VPS13B: variants seen among roughly 807,000 people sequenced by gnomAD.
VPS13B encodes vacuolar protein sorting 13 homolog B.
Under a neutral mutation model 426.4 loss-of-function variants are expected in VPS13B, and 285 were observed. The ratio of observed to expected loss-of-function variants is 0.67; its 90% CI spans 0.61 to 0.74. The LOEUF (loss-of-function observed/expected upper bound fraction) is 0.74. VPS13B is among the 30% of genes least tolerant of loss of function. The pLI is 0.00. For synonymous variants in VPS13B, 1,676 were observed against 1,676.4 expected, an observed-to-expected ratio of 1.00 and a Z score of 0.01; for missense variants, 4,537 against 4,782.6, an observed-to-expected ratio of 0.95 and a Z score of 1.51.
intron 35 of VPS13B, chr8:99,697,419 A>G: frequency 3.0e-6 from 2 of 665,594 alleles, no homozygotes; most frequent in South Asian, 3.5e-5. Context: ...CCCCTGCTAG[A>G]GAGCTTGAAG....
At chr8:99,355,282 T>G (rs969885739) in intron 19 of VPS13B, among the ~76,000 whole-genome samples, 1 of 152,208 alleles carries the variant, frequency 6.6e-6, no homozygotes, top group Non-Finnish European at 1.5e-5. Context: ...AAATTCCAAC[T>G]GCTTTTCTTA....
At chr8:99,495,959 TAA>T (rs1330663113) in intron 25 of VPS13B, among the ~76,000 whole-genome samples, 1 of 152,194 alleles carries the variant, frequency 6.6e-6, no homozygotes, top group Non-Finnish European at 1.5e-5. Flanking sequence ...CAGGCAAACC[TAA>T]GTTATTAAGA....
At chr8:99,023,714 C>T (rs538518797) in intron 2 of VPS13B, among the ~76,000 whole-genome samples, 7 of 152,214 alleles carry the variant, frequency 4.6e-5, no homozygotes, top group Middle Eastern at 3.4e-3. Flanking sequence ...TGCCTGACCT[C>T]GTGATCCGCC....
chr8:99,169,951 G>C (rs566185548), intron 15 of VPS13B, 88 bp from the exon 16 acceptor site: 1 of 1,493,440 alleles, frequency 6.7e-7, no homozygotes, highest in East Asian at 2.3e-5. Flanking sequence ...TGCAGCTGTT[G>C]TAAAGCAAGT....
At chr8:99,373,725 G>C (rs1022744170) in intron 19 of VPS13B, among the ~76,000 whole-genome samples, 3 of 152,050 alleles carry the variant, frequency 2.0e-5, no homozygotes, top group African/African-American at 7.3e-5. Context: ...AGCCGGGTAT[G>C]GTGGCACCCC....
At chr8:99,228,999 T>G (rs1382391906) in intron 17 of VPS13B, among the ~76,000 whole-genome samples, 1 of 152,174 alleles carries the variant, frequency 6.6e-6, no homozygotes. Flanking sequence ...ATGAATCTTC[T>G]GTGCGCTGTT....
chr8:99,629,552 T>G (rs1391131085), intron 33 of VPS13B, among the ~76,000 whole-genome samples: 1 of 152,036 alleles, frequency 6.6e-6, no homozygotes, highest in African/African-American at 2.4e-5. Flanking sequence ...AGAGAAGGCC[T>G]CTCGGAGGAA....
At chr8:99,455,528 G>A (rs111239747) in intron 23 of VPS13B, among the ~76,000 whole-genome samples, 220 of 152,200 alleles carry the variant, frequency 1.4e-3, no homozygotes, top group African/African-American at 5.0e-3. Context: ...TTTATATAAT[G>A]TAACATTAAA....
At chr8:99,790,938 T>C (rs1200215840) in intron 43 of VPS13B, among the ~76,000 whole-genome samples, 1 of 152,150 alleles carries the variant, frequency 6.6e-6, no homozygotes, top group Non-Finnish European at 1.5e-5. Flanking sequence ...TGAGGGCTCC[T>C]GTATGCTGTG....
intron 41 of VPS13B, among the ~76,000 whole-genome samples, chr8:99,777,638 A>G (rs1588703283): frequency 1.3e-5 from 2 of 152,188 alleles, no homozygotes; most frequent in African/African-American, 4.8e-5. Flanking sequence ...TCATTACATT[A>G]GTAGCAAATA....
intron 32 of VPS13B, among the ~76,000 whole-genome samples, chr8:99,577,167 T>C (rs1206808690): frequency 6.6e-6 from 1 of 152,182 alleles, no homozygotes; most frequent in African/African-American, 2.4e-5. Context: ...TACACAATTA[T>C]ATTGTTGCTA....
At chr8:99,642,816 A>G (rs1189714059) in intron 34 of VPS13B, among the ~76,000 whole-genome samples, 2 of 152,200 alleles carry the variant, frequency 1.3e-5, no homozygotes. Context: ...TTTCATATTA[A>G]TGGCCCATAG....
chr8:99,062,688 G>A (rs1445282437), intron 3 of VPS13B, among the ~76,000 whole-genome samples: 2 of 151,950 alleles, frequency 1.3e-5, no homozygotes, highest in African/African-American at 4.8e-5. Flanking sequence ...GGCTGGTCTC[G>A]AACTTTCGAC....
chr8:99,373,829 G>A (rs1358694599), intron 19 of VPS13B, among the ~76,000 whole-genome samples: 1 of 152,152 alleles, frequency 6.6e-6, no homozygotes, highest in Non-Finnish European at 1.5e-5. Flanking sequence ...GCAACAGAGT[G>A]AGACCCTGCT....
chr8:99,180,868 T>C (rs1356123194), intron 16 of VPS13B, among the ~76,000 whole-genome samples: 3 of 152,164 alleles, frequency 2.0e-5, no homozygotes, highest in Non-Finnish European at 4.4e-5. Context: ...GAAGTAAAGA[T>C]TTAAACAATG....
chr8:99,266,934 C>G (rs779652395), intron 17 of VPS13B, among the ~76,000 whole-genome samples: 3 of 152,146 alleles, frequency 2.0e-5, no homozygotes, highest in Admixed American at 2.0e-4. Context: ...TGGACTCATA[C>G]AGCAAATTGA....
At chr8:99,706,188 G>A (rs1295969649) in intron 36 of VPS13B, among the ~76,000 whole-genome samples, 1 of 152,100 alleles carries the variant, frequency 6.6e-6, no homozygotes, top group Non-Finnish European at 1.5e-5. Context: ...AACCAATAAA[G>A]TTAAATCAAG....
chr8:99,439,787 C>G (rs1817589398), intron 22 of VPS13B, among the ~76,000 whole-genome samples: 1 of 151,984 alleles, frequency 6.6e-6, no homozygotes, highest in African/African-American at 2.4e-5. Context: ...GTAAATAAAA[C>G]CTATCTTAGT....
intron 54 of VPS13B, among the ~76,000 whole-genome samples, chr8:99,847,187 A>C (rs1215022183): frequency 6.6e-6 from 1 of 152,238 alleles, no homozygotes; most frequent in Admixed American, 6.5e-5. Flanking sequence ...AATTCAGAAT[A>C]CAAGTCTTTT....
Sources: gnomAD v4.1 joint callset for allele counts (sites outside exome capture counted in the v4.1 genomes callset) on GRCh38, gnomAD v4.1.1 for gene constraint, MANE v1.5 for transcripts, NCBI Gene and HGNC (gene_info 2026-07-23, HGNC 2026-07-21) for gene names.